ACE: variants seen among roughly 807,000 people sequenced by gnomAD.
ACE encodes the protein angiotensin I converting enzyme.
In ACE, 122 loss-of-function variants were observed where a neutral mutation model predicts 162.3. The ratio of observed to expected loss-of-function variants is 0.75; its 90% CI spans 0.65 to 0.87. The LOEUF (loss-of-function observed/expected upper bound fraction) is 0.87. ACE is among the 40% of genes least tolerant of loss of function. The probability of loss-of-function intolerance (pLI) is 0.00; values close to 1 mark genes in which losing one functional copy is unlikely to be tolerated. For missense variants in ACE, 1,799 were observed against 1,735.1 expected (o/e 1.04, Z -0.65); for synonymous variants, 796 against 720.6 (o/e 1.10, Z -1.68).
At position 63,494,395 on chromosome 17, in the gene ACE, C is replaced by A; in HGVS notation, c.3305C>A (p.Pro1102His). 6.2e-7 allele frequency: 1 copy of A among 1,614,168 alleles called. No individual in the cohort carries two copies. The highest frequency in any genetic ancestry group is 8.5e-7 in the Non-Finnish European group (1 of 1,180,012). ...AGGCTGAAGTACCAGGGCCTCTGCC[C>A]CCCAGTGCCCAGGACTCAAGGTGAC... ...SLRLKYQGLC[P>H]PVPRTQGDFD... Residue 1102 changes from proline to histidine, a missense_variant, in exon 22 of 25, where the codon CCC (proline) becomes CAC (histidine). Transcript: ENST00000290866.
chr17:63,493,327 C>A, intron 19 of ACE, 109 bp from the exon 20 acceptor site: 2 of 1,028,886 alleles, frequency 1.9e-6, no homozygotes, highest in South Asian at 1.4e-5. Flanking sequence ...CCCCTGCATG[C>A]TGCAGTGCTG....
chr17:63,479,162 C>T, intron 3 of ACE, 62 bp downstream of exon 3: 3 of 1,369,000 alleles, frequency 2.2e-6, no homozygotes, highest in South Asian at 2.5e-5. Flanking sequence ...CCCTGCTGCA[C>T]TCCAGACCAT....
chr17:63,478,931 C>T (rs1036750934), intron 2 of ACE, 76 bp from the exon 3 acceptor site: 6 of 1,302,962 alleles, frequency 4.6e-6, no homozygotes, highest in Non-Finnish European at 6.5e-6. Flanking sequence ...CTGTGGGCTC[C>T]TCCTTCTAGC....
At position 63,488,635 on chromosome 17, in the gene ACE, AAACCC is replaced by A. The variant is rs1568042920; in HGVS notation, c.2306-12_2306-8del. The A allele has an allele frequency of 6.2e-7, 1 of 1,612,854 alleles. No homozygotes were observed. Among genetic ancestry groups the A allele is most frequent in the Non-Finnish European group, 8.5e-7 (1 of 1,179,750 alleles). ...CTAAGGGCTGGAGCTCAAGGCATTC[AAACCC>A]CTACCAGATCTGACGAATGTGATGG... On this transcript the variant is annotated splice_polypyrimidine_tract_variant and splice_region_variant and intron_variant, in intron 15 of 24. Coordinates refer to ENST00000290866, the MANE Select transcript of ACE (RefSeq NM_000789.4).
intron 13 of ACE, 160 bp downstream of exon 13, chr17:63,485,532 G>A (rs923469319): frequency 7.8e-6 from 8 of 1,021,832 alleles, no homozygotes; most frequent in Admixed American, 2.0e-5. Flanking sequence ...TGTAATCCCA[G>A]CACTTTGGGA....
Position 63,478,084 on chromosome 17 carries a change from G to C in ACE, c.403G>C (p.Ala135Pro). ...RTLGSANLPL[A>P]KRQQYNALLS... Reference sequence around the variant, plus strand: ...CCTGGGCTCTGCCAACCTGCCCCTGGCTAAGCGGCAGCAGGTGGGCTGAGG... The same window carrying C: ...CCTGGGCTCTGCCAACCTGCCCCTGCCTAAGCGGCAGCAGGTGGGCTGAGG... Residue 135 changes from alanine (A) to proline (P), a missense_variant, in exon 2 of 25, where the codon GCT (alanine) becomes CCT (proline). Coordinates refer to ENST00000290866, the MANE Select transcript of ACE (RefSeq NM_000789.4). 3.8e-6 allele frequency: 6 copies of C among 1,587,992 alleles called. No homozygotes were observed. The highest frequency in any genetic ancestry group is 5.1e-6 in the Non-Finnish European group (6 of 1,167,214).
intron 2 of ACE, chr17:63,478,518 G>T: frequency 3.3e-6 from 1 of 307,142 alleles, no homozygotes; most frequent in Non-Finnish European, 6.3e-6. Flanking sequence ...AAAAATAGCT[G>T]GGCTTGGTGG....
chr17:63,491,263 G>C lies in ACE; in HGVS notation c.2794G>C (p.Gly932Arg), dbSNP rs1335323894. 3.1e-6 allele frequency: 5 copies of C among 1,614,052 alleles called. No homozygotes were observed. In the African/African-American group the frequency reaches 4.0e-5, roughly 13 times the overall value. ...GGCTGATGATTTCTTCACCTCCCTG[G>C]GGCTGCTGCCCGTGCCTCCTGAGTT... ...KEADDFFTSLGLLPVPPEFWN... is the reference protein window; with the variant it reads ...KEADDFFTSLRLLPVPPEFWN... The change falls in exon 19 of 25, where the codon GGG becomes CGG. Residue 932 changes from glycine (G) to arginine (R), a missense_variant. Gly to Arg is a moderately radical substitution (Grantham distance 125). Coordinates refer to ENST00000290866, the MANE Select transcript of ACE (RefSeq NM_000789.4). This position sits in a 1 kb window ranked among gnomAD's most constrained non-coding sequence, Gnocchi z 4.4.
intron 12 of ACE, 191 bp from the exon 13 acceptor site, chr17:63,485,045 C>A: frequency 2.5e-6 from 4 of 1,610,020 alleles, no homozygotes; most frequent in Non-Finnish European, 2.5e-6. Flanking sequence ...GACGGCCCAC[C>A]AGACATCAGC....
Position 63,483,567 on chromosome 17 carries a change from G to GCGGGGGGGGGCCCCCCCCCCCCCCCC in ACE, c.1586+10_1586+11insGGGGGGGGGCCCCCCCCCCCCCCCCC. On this transcript the variant is annotated intron_variant, in intron 10 of 24. Coordinates refer to ENST00000290866, the MANE Select transcript of ACE (RefSeq NM_000789.4). ...GTGACACCATACATCAGGTATTAGCGCCCCCACCCCACCCACCCCCAGTAC... is the reference window on the plus strand; with the variant it reads ...GTGACACCATACATCAGGTATTAGCGCGGGGGGGGGCCCCCCCCCCCCCCCCCCCCCACCCCACCCACCCCCAGTAC... 2.5e-6 allele frequency: 4 copies of GCGGGGGGGGGCCCCCCCCCCCCCCCC among 1,589,254 alleles called. No homozygotes were observed. The highest frequency in any genetic ancestry group is 3.4e-6 in the Non-Finnish European group (4 of 1,165,492).
rs28730840 is a variant in ACE at position 63,490,933 on chromosome 17, G to A, written c.2642-21G>A. On this transcript the variant is annotated intron_variant, in intron 17 of 24. Coordinates refer to ENST00000290866, the MANE Select transcript of ACE (RefSeq NM_000789.4). ...AACATTTGTCTTTCCTCTCTCTGCC[G>A]TCCCCCACACTCGCCTCCAGGGAAC... 831 of 1,611,566 alleles carry A rather than the reference G, an allele frequency of 5.2e-4. 3 individuals are homozygous for A. The African/African-American group carries it at 9.8e-3, about 19-fold the overall frequency.
chr17:63,493,353 A>T (rs1013110933), intron 19 of ACE, 83 bp from the exon 20 acceptor site: 32 of 1,343,726 alleles, frequency 2.4e-5, no homozygotes, highest in Middle Eastern at 2.4e-4. Flanking sequence ...TGCCCTGGGT[A>T]TAGCAAGGCC....
At chr17:63,494,173 C>T (rs2030579779) in intron 21 of ACE, 107 bp downstream of exon 21, 39 of 1,437,894 alleles carry the variant, frequency 2.7e-5, no homozygotes, top group Non-Finnish European at 3.6e-5. Flanking sequence ...TGTGTGTGTA[C>T]ACTATTGTGT....
At position 63,488,802 on chromosome 17, in the gene ACE, G is replaced by T. The variant is rs369967253; in HGVS notation, c.2449+11G>T. 7 of 1,613,934 alleles carry T rather than the reference G, an allele frequency of 4.3e-6. No homozygotes were observed. The African/African-American group carries it at 9.3e-5, about 22-fold the overall frequency. On this transcript the variant is annotated intron_variant, in intron 16 of 24. Transcript: ENST00000290866. Reference sequence around the variant, plus strand: ...CTGCCCGGCTCAATGGTGAGTCCCTGCTGCCAACATCACTGGCACTTGGGT... The same window carrying T: ...CTGCCCGGCTCAATGGTGAGTCCCTTCTGCCAACATCACTGGCACTTGGGT...
rs1314869920 is a variant in ACE, at chr17:63,489,019, A to C, written c.2528A>C (p.Gln843Pro). The change falls in exon 17 of 25, where the codon CAG becomes CCG. Residue 843 changes from glutamine to proline, a missense_variant. Coordinates refer to ENST00000290866, the MANE Select transcript of ACE (RefSeq NM_000789.4). ...SLEQDLERLF[Q>P]ELQPLYLNLH... ...GAGCAAGACCTGGAGCGGCTCTTCC[A>C]GGAGCTGCAGCCACTCTACCTCAAC... The C allele has an allele frequency of 1.2e-6, 2 of 1,614,008 alleles. No homozygotes were observed. The highest frequency in any genetic ancestry group is 4.5e-5 in the East Asian group (2 of 44,888).
chr17:63,496,262 T>TG, intron 22 of ACE, 132 bp from the exon 23 acceptor site: 2 of 1,358,696 alleles, frequency 1.5e-6, no homozygotes, highest in East Asian at 2.3e-5. Context: ...TGGGCAGAGT[T>TG]GGGGGGCCTT....
intron 7 of ACE, among the ~76,000 whole-genome samples, chr17:63,481,981 G>A (rs1261477674): frequency 2.0e-5 from 3 of 152,126 alleles, no homozygotes. Flanking sequence ...CCAAGTGGTG[G>A]TGAGCCAGGG....
intron 8 of ACE, 104 bp from the exon 9 acceptor site, chr17:63,482,925 C>A: frequency 7.8e-7 from 1 of 1,288,826 alleles, no homozygotes; most frequent in Non-Finnish European, 1.1e-6. Flanking sequence ...ACCTTCTCTG[C>A]ATCTCCCTGG....
At position 63,484,313 on chromosome 17, in the gene ACE, C is replaced by T. The variant is rs748698612; in HGVS notation, c.1710-17C>T. 2.5e-6 allele frequency: 4 copies of T among 1,606,154 alleles called. No individual in the cohort carries two copies. The Admixed American group carries it at 6.7e-5, about 27-fold the overall frequency. ...GCCTGAGTCCCCTGTGCCCATGGTA[C>T]CCACTCTGCCCACCAGGAAGGTGCT... On this transcript the variant is annotated splice_polypyrimidine_tract_variant and intron_variant, in intron 11 of 24. Coordinates refer to ENST00000290866, the MANE Select transcript of ACE (RefSeq NM_000789.4). This position sits in a 1 kb window ranked among gnomAD's most constrained non-coding sequence, Gnocchi z 4.0.
Sources: gnomAD v4.1 joint callset for allele counts (sites outside exome capture counted in the v4.1 genomes callset) on GRCh38, gnomAD v4.1.1 for gene constraint, Gnocchi (gnomAD v3.1) non-coding constraint, MANE v1.5 for transcripts, NCBI Gene and HGNC (gene_info 2026-07-23, HGNC 2026-07-21) for gene names.